ISM1: variants seen among roughly 807,000 people sequenced by gnomAD.
The protein encoded by ISM1 is isthmin-1.
Under a neutral mutation model 46.3 loss-of-function variants are expected in ISM1, and 25 were observed. That is an observed-to-expected ratio of 0.54 (90% confidence interval 0.39 to 0.75). The LOEUF is 0.75. Among genes scored for constraint, ISM1 ranks in the 30% least tolerant of loss-of-function variants. ISM1 has a pLI of 0.00. For synonymous variants in ISM1, 255 were observed against 256.7 expected, an observed-to-expected ratio of 0.99 and a Z score of 0.06; for missense variants, 536 against 625.4, an observed-to-expected ratio of 0.86 and a Z score of 1.52.
chr20:13,241,996 G>GT, intron 1 of ISM1, among the ~76,000 whole-genome samples: 1 of 152,190 alleles, frequency 6.6e-6, no homozygotes, highest in East Asian at 1.9e-4. Context: ...AAGAAGGAAA[G>GT]TAAAAACAAG....
At chr20:13,276,856 C>G (rs987391209) in intron 2 of ISM1, among the ~76,000 whole-genome samples, 1 of 152,178 alleles carries the variant, frequency 6.6e-6, no homozygotes, top group Non-Finnish European at 1.5e-5. Context: ...AATTGGATGC[C>G]TATGAAACCT....
rs866182198 is a variant in ISM1 at position 13,287,064 on chromosome 20, G to A, written c.644-1476G>A. On this transcript the variant is annotated intron_variant, in intron 3 of 5. Transcript: ENST00000262487. ...TGTTAACCCAGTGACCTTGAACCAG[G>A]CATCCTACCACTCCAAGACTTTACT... Among the ~76,000 whole-genome samples the A allele has an allele frequency of 3.4e-5, 5 of 147,850 alleles. No homozygotes were observed. The South Asian group carries it at 8.8e-4, about 26-fold the overall frequency.
chr20:13,317,779 C>T, the ISM1 span, among the ~76,000 whole-genome samples: 1 of 152,064 alleles, frequency 6.6e-6, no homozygotes, highest in Admixed American at 6.5e-5. Flanking sequence ...ATACCCTTCA[C>T]AAAAATTAAC....
chr20:13,286,943 G>A (rs1262581594), intron 3 of ISM1, among the ~76,000 whole-genome samples: 1 of 152,178 alleles, frequency 6.6e-6, no homozygotes, highest in African/African-American at 2.4e-5. Context: ...GGAAGATCTG[G>A]GTAAACCAGG....
Position 13,299,854 on chromosome 20 carries a change from T to C in ISM1, c.*395T>C, listed in dbSNP as rs1404779861. ...AAGCAGTTTTTATATATAACTTATTTAATACAAATGTGACTTAATTAAGCG... is the reference window on the plus strand; with the variant it reads ...AAGCAGTTTTTATATATAACTTATTCAATACAAATGTGACTTAATTAAGCG... On this transcript the variant is annotated 3_prime_UTR_variant, in exon 6 of 6. Coordinates refer to ENST00000262487, the MANE Select transcript of ISM1 (RefSeq NM_080826.2). This position sits in a 1 kb window ranked among gnomAD's most constrained non-coding sequence, Gnocchi z 5.8. 1 of 167,476 alleles carries C rather than the reference T, an allele frequency of 6.0e-6. No homozygotes were observed. Among genetic ancestry groups the C allele is most frequent in the Non-Finnish European group, 1.3e-5 (1 of 76,846 alleles). The allele number at this position is 167,476 out of a possible 1,614,324, so 10.4% of individuals were successfully genotyped here. A position where few individuals can be genotyped will look rare whatever the true frequency, so the allele number is the denominator to read the frequency against.
intron 1 of ISM1, 145 bp downstream of exon 1, chr20:13,222,059 C>T (rs1038666146): frequency 2.5e-6 from 2 of 811,430 alleles, no homozygotes; most frequent in Non-Finnish European, 3.4e-6. Flanking sequence ...TTTGCCCGGG[C>T]CACTTGACTT....
the ISM1 span, among the ~76,000 whole-genome samples, chr20:13,325,689 T>C: frequency 1.3e-5 from 2 of 152,234 alleles, no homozygotes; most frequent in Non-Finnish European, 2.9e-5. Context: ...AACTGTGACA[T>C]GTGGGTAATA....
Position 13,299,073 on chromosome 20 carries a change from AT to A in ISM1, c.1010del (p.Ile337ThrfsTer159). ...PTEVAYSTAD[I>X]FDRIKRKDFR... ...TGAGGTGGCCTACAGCACGGCCGAC[AT>A]CTTCGACCGCATCAAGCGCAAGGAC... is the stretch of plus-strand genomic sequence containing the variant. On this transcript the variant is annotated frameshift_variant, in exon 6 of 6. Transcript: ENST00000262487. LOFTEE classifies it high-confidence loss of function. The surrounding 1 kb of genome is among the most constrained non-coding windows in gnomAD (Gnocchi z 5.8). 1 of 1,613,850 alleles carries A rather than the reference AT, an allele frequency of 6.2e-7. No homozygotes were observed. Among genetic ancestry groups the A allele is most frequent in the African/African-American group, 1.3e-5 (1 of 75,048 alleles).
At chr20:13,315,325 G>A in the ISM1 span, among the ~76,000 whole-genome samples, 813 of 152,036 alleles carry the variant, frequency 5.3e-3, 8 homozygotes, top group African/African-American at 0.019. Context: ...ATAAGGCCAC[G>A]TAGAAAGGTA....
chr20:13,297,931 C>T (rs377415766), intron 5 of ISM1, among the ~76,000 whole-genome samples: 1 of 152,212 alleles, frequency 6.6e-6, no homozygotes, highest in East Asian at 1.9e-4. Flanking sequence ...CTTTGAGGCG[C>T]CTTGCCATGT....
the ISM1 span, among the ~76,000 whole-genome samples, chr20:13,325,437 C>T: frequency 2.6e-5 from 4 of 152,132 alleles, no homozygotes; most frequent in South Asian, 2.1e-4. Flanking sequence ...TTGATTTCCA[C>T]ACAGGCAGAA....
intron 1 of ISM1, among the ~76,000 whole-genome samples, chr20:13,228,543 A>AT (rs529804144): frequency 6.6e-5 from 10 of 152,144 alleles, no homozygotes; most frequent in African/African-American, 1.4e-4. Flanking sequence ...TTTGTAGGTG[A>AT]TTTTTTTAAA....
At chr20:13,237,273 C>T (rs2039662447) in intron 1 of ISM1, among the ~76,000 whole-genome samples, 1 of 152,184 alleles carries the variant, frequency 6.6e-6, no homozygotes, top group Non-Finnish European at 1.5e-5. Context: ...CACTAATGCA[C>T]TCAAAGACCT....
the ISM1 span, among the ~76,000 whole-genome samples, chr20:13,310,666 G>A: frequency 6.6e-5 from 10 of 152,136 alleles, no homozygotes; most frequent in East Asian, 3.8e-4. Flanking sequence ...CTTGCAAACC[G>A]TACATCTGAT....
At position 13,288,675 on chromosome 20, in the gene ISM1, A is replaced by T. The variant is rs1340282588; in HGVS notation, c.779A>T (p.Asn260Ile). The change falls in exon 4 of 6, where the codon AAC (asparagine) becomes ATC (isoleucine). Residue 260 changes from asparagine to isoleucine, a missense_variant. Asn to Ile is a moderately radical substitution (Grantham distance 149). Coordinates refer to ENST00000262487, the MANE Select transcript of ISM1 (RefSeq NM_080826.2). ...GAATCGAGGACCTGTGACCGTCCAAACTGCCCAGGTGCGTTTACCTGAGTG... is the reference window on the plus strand; with the variant it reads ...GAATCGAGGACCTGTGACCGTCCAATCTGCCCAGGTGCGTTTACCTGAGTG... ...ATESRTCDRP[N>I]CPGIEDTFRT... is the part of the protein sequence containing the mutation. 6.2e-7 allele frequency: 1 copy of T among 1,613,754 alleles called. No homozygotes were observed. Among genetic ancestry groups the T allele is most frequent in the Non-Finnish European group, 8.5e-7 (1 of 1,179,666 alleles).
At chr20:13,243,227 T>C (rs1314839129) in intron 1 of ISM1, among the ~76,000 whole-genome samples, 1 of 152,204 alleles carries the variant, frequency 6.6e-6, no homozygotes, top group African/African-American at 2.4e-5. Context: ...GGGCACAACA[T>C]TTAACATCTT....
At chr20:13,233,646 C>T (rs77518228) in intron 1 of ISM1, among the ~76,000 whole-genome samples, 5,358 of 151,102 alleles carry the variant, frequency 0.035, 269 homozygotes, top group African/African-American at 0.11. Context: ...TAATTCTTAG[C>T]CCAAGAAATG....
chr20:13,289,707 A>T (rs148876773), intron 4 of ISM1, among the ~76,000 whole-genome samples: 3 of 152,182 alleles, frequency 2.0e-5, no homozygotes, highest in African/African-American at 7.2e-5. Context: ...GGAAGCTGCA[A>T]CCAAGACCAT....
At chr20:13,309,966 C>G in the ISM1 span, among the ~76,000 whole-genome samples, 1 of 152,056 alleles carries the variant, frequency 6.6e-6, no homozygotes, top group East Asian at 1.9e-4. Context: ...AAAAAATACT[C>G]TGTGTTTACG....
Sources: gnomAD v4.1 joint callset for allele counts (sites outside exome capture counted in the v4.1 genomes callset) on GRCh38, gnomAD v4.1.1 for gene constraint, Gnocchi (gnomAD v3.1) non-coding constraint, MANE v1.5 for transcripts, NCBI Gene and HGNC (gene_info 2026-07-23, HGNC 2026-07-21) for gene names.